The following MGAT5 variants were observed in gnomAD, a reference collection of about 807,000 sequenced individuals.
MGAT5 encodes alpha-1,6-mannosylglycoprotein 6-beta-N-acetylglucosaminyltransferase.
A neutral mutation model predicts 94.3 loss-of-function variants in MGAT5; 30 were observed. That is an observed-to-expected ratio of 0.32 (90% CI 0.24 to 0.43). The LOEUF (loss-of-function observed/expected upper bound fraction) is 0.43. Among genes scored for constraint, MGAT5 ranks in the 20% least tolerant of loss-of-function variants. The pLI, the probability that MGAT5 is intolerant of heterozygous loss-of-function variation, is 1.00. For missense variants in MGAT5, 691 were observed against 905.5 expected, an observed-to-expected ratio of 0.76 and a Z score of 3.04; for synonymous variants, 310 against 322.9, an observed-to-expected ratio of 0.96 and a Z score of 0.43.
rs1371242665 is a variant in MGAT5, at chr2:134,254,419, C to G, written c.16C>G (p.Pro6Ala). 6.2e-7 allele frequency: 1 copy of G among 1,614,094 alleles called. No individual in the cohort carries two copies. The highest frequency in any genetic ancestry group is 1.3e-5 in the African/African-American group (1 of 74,932). Residue 6 changes from proline to alanine, a missense_variant, in exon 1 of 16, where the codon CCG (proline) becomes GCG (alanine). Physicochemically the swap from Pro to Ala is conservative, Grantham distance 27 (BLOSUM62 -1). Coordinates refer to ENST00000281923, the MANE Select transcript of MGAT5 (RefSeq NM_002410.5). The part of the protein sequence containing the change: MALFT[P>A]WKLSSQKLGF... ...CCAGAGAGCAATGGCTCTCTTCACT[C>G]CGTGGAAGTTGTCCTCTCAGAAGCT...
intron 1 of MGAT5, among the ~76,000 whole-genome samples, chr2:134,131,658 T>C (rs1275437518): frequency 6.7e-6 from 1 of 150,048 alleles, no homozygotes; most frequent in Non-Finnish European, 1.5e-5. Context: ...ATCCACACTC[T>C]TTGCCCTATA....
intron 1 of MGAT5, among the ~76,000 whole-genome samples, chr2:134,231,609 G>A (rs1681367181): frequency 1.3e-5 from 2 of 152,168 alleles, no homozygotes; most frequent in South Asian, 4.1e-4. Flanking sequence ...GAAATAATTA[G>A]TTGCTTGATT....
At chr2:134,128,290 G>A (rs1318072189) in intron 1 of MGAT5, among the ~76,000 whole-genome samples, 1 of 152,104 alleles carries the variant, frequency 6.6e-6, no homozygotes, top group East Asian at 1.9e-4. Context: ...AAAGAAGAAA[G>A]AGGGAGTGAT....
chr2:134,125,986 A>G (rs186920456), intron 1 of MGAT5, among the ~76,000 whole-genome samples: 12 of 152,310 alleles, frequency 7.9e-5, no homozygotes, highest in African/African-American at 2.4e-4. Flanking sequence ...GTGAGGAGTG[A>G]CCTGGAAGAG....
At chr2:134,225,291 A>G (rs932356169) in intron 1 of MGAT5, among the ~76,000 whole-genome samples, 2 of 152,046 alleles carry the variant, frequency 1.3e-5, no homozygotes, top group African/African-American at 4.8e-5. Context: ...AGTTTCAGCA[A>G]CACCTGGGAG....
intron 12 of MGAT5, among the ~76,000 whole-genome samples, chr2:134,418,294 C>T (rs1574058984): frequency 6.6e-6 from 1 of 152,304 alleles, no homozygotes; most frequent in Admixed American, 6.5e-5. Context: ...AGAGAATAGG[C>T]ATTGGAGCTG....
chr2:134,447,895 G>A (rs573401365), intron 15 of MGAT5, among the ~76,000 whole-genome samples: 126 of 152,312 alleles, frequency 8.3e-4, no homozygotes, highest in South Asian at 7.0e-3. Flanking sequence ...GATTCAGGCC[G>A]TCTCTGCACA....
intron 1 of MGAT5, among the ~76,000 whole-genome samples, chr2:134,264,062 G>A (rs1308326106): frequency 1.1e-5 from 1 of 93,176 alleles, no homozygotes. Context: ...CACTCTTGTT[G>A]CCCAGGCTGA....
intron 2 of MGAT5, among the ~76,000 whole-genome samples, chr2:134,286,309 T>C (rs2442048): frequency 0.9 from 137,138 of 152,236 alleles, 62,738 homozygotes; most frequent in Non-Finnish European, 0.99. Flanking sequence ...AAGCCCCTTT[T>C]CCCCTTTGGT....
At chr2:134,414,481 G>A (rs978998588) in intron 12 of MGAT5, among the ~76,000 whole-genome samples, 1 of 151,956 alleles carries the variant, frequency 6.6e-6, no homozygotes, top group Non-Finnish European at 1.5e-5. Flanking sequence ...ATCATCCCTC[G>A]GGTTTTTTGT....
intron 9 of MGAT5, among the ~76,000 whole-genome samples, chr2:134,354,078 T>G (rs532207440): frequency 6.6e-6 from 1 of 152,314 alleles, no homozygotes; most frequent in African/African-American, 2.4e-5. Flanking sequence ...TTTAGTGGTC[T>G]GAAGAGAAAT....
chr2:134,293,196 C>A (rs1479480851), intron 2 of MGAT5, among the ~76,000 whole-genome samples: 3 of 152,150 alleles, frequency 2.0e-5, no homozygotes, highest in African/African-American at 7.2e-5. Flanking sequence ...AGCATTACTA[C>A]TCAGTGAATA....
At chr2:134,152,496 C>T (rs531420038) in intron 1 of MGAT5, among the ~76,000 whole-genome samples, 1 of 152,338 alleles carries the variant, frequency 6.6e-6, no homozygotes, top group African/African-American at 2.4e-5. Context: ...CTGTGGGACC[C>T]ACTCACTGCC....
intron 2 of MGAT5, among the ~76,000 whole-genome samples, chr2:134,291,506 G>A (rs912227157): frequency 1.3e-5 from 2 of 152,176 alleles, no homozygotes; most frequent in African/African-American, 4.8e-5. Flanking sequence ...TTTAGGATGG[G>A]GAAGGCCTCT....
At chr2:134,357,821 T>G (rs889707545) in intron 9 of MGAT5, among the ~76,000 whole-genome samples, 5 of 151,602 alleles carry the variant, frequency 3.3e-5, no homozygotes, top group Non-Finnish European at 7.4e-5. Flanking sequence ...TATTACAGTT[T>G]CCCTAGCCTG....
At chr2:134,203,359 T>C (rs1225024371) in intron 1 of MGAT5, among the ~76,000 whole-genome samples, 1 of 152,190 alleles carries the variant, frequency 6.6e-6, no homozygotes, top group African/African-American at 2.4e-5. Context: ...CCCCAGGTTA[T>C]CCCAGTGCAG....
At chr2:134,406,649 C>T (rs1683354510) in intron 11 of MGAT5, among the ~76,000 whole-genome samples, 1 of 151,734 alleles carries the variant, frequency 6.6e-6, no homozygotes, top group African/African-American at 2.4e-5. Flanking sequence ...TTGGGAGAGG[C>T]TGAGTCGGGC....
chr2:134,134,784 G>A (rs1686332210), intron 1 of MGAT5, among the ~76,000 whole-genome samples: 1 of 152,184 alleles, frequency 6.6e-6, no homozygotes, highest in South Asian at 2.1e-4. Context: ...TCTGTAATGG[G>A]TAGCACAGTT....
At position 134,282,557 on chromosome 2, in the gene MGAT5, C is replaced by T. The variant is rs553934920; in HGVS notation, c.406+12007C>T. On this transcript the variant is annotated intron_variant, in intron 2 of 15. Coordinates refer to ENST00000281923, the MANE Select transcript of MGAT5 (RefSeq NM_002410.5). ...AGCTGTTATTCTACCACCCAGAGAT[C>T]GATTTGTTTCTTTACTAACAGATAC... 9.2e-5 allele frequency among the ~76,000 whole-genome samples: 14 copies of T among 152,314 alleles called. No homozygotes were observed. In the South Asian group the frequency reaches 1.9e-3, roughly 20 times the overall value.
Sources: gnomAD v4.1 joint callset for allele counts (sites outside exome capture counted in the v4.1 genomes callset) on GRCh38, gnomAD v4.1.1 for gene constraint, MANE v1.5 for transcripts, NCBI Gene and HGNC (gene_info 2026-07-23, HGNC 2026-07-21) for gene names.